NOBOX: variants seen among roughly 807,000 people sequenced by gnomAD.
The protein encoded by NOBOX is NOBOX oogenesis homeobox.
A neutral mutation model predicts 60.2 loss-of-function variants in NOBOX; 46 were observed. The ratio of observed to expected loss-of-function variants is 0.76; its 90% CI spans 0.60 to 0.98. NOBOX has a LOEUF of 0.98. NOBOX is among the 50% of genes least tolerant of loss of function. The pLI is 0.00. For synonymous variants in NOBOX, 360 were observed against 346.3 expected, an observed-to-expected ratio of 1.04 and a Z score of -0.44; for missense variants, 880 against 865.5, an observed-to-expected ratio of 1.02 and a Z score of -0.21.
At position 144,401,269 on chromosome 7, in the gene NOBOX, T is replaced by C. The variant is rs1248702415; in HGVS notation, c.621A>G (p.Lys207=). 6.2e-7 allele frequency: 1 copy of C among 1,613,556 alleles called. No homozygotes were observed. Among genetic ancestry groups the C allele is most frequent in the South Asian group, 1.1e-5 (1 of 90,982 alleles). ...GGGCCAGACCCATGGCATTAGGCTT[T>C]TTCTGCTTCCCGGGGGCTGGAGAAT... The change falls in exon 4 of 10, where the codon AAA becomes AAG. Residue 207 remains lysine, a synonymous_variant. Transcript: ENST00000467773. The surrounding 1 kb of genome is among the most constrained non-coding windows in gnomAD (Gnocchi z 4.2).
At position 144,399,381 on chromosome 7, in the gene NOBOX, G is replaced by T; in HGVS notation, c.1240+16C>A. On this transcript the variant is annotated intron_variant, in intron 7 of 9. Coordinates refer to ENST00000467773, the MANE Select transcript of NOBOX (RefSeq NM_001080413.3). ...TTAGTTGCCATTTTCCCCCAGCTCTGAAGGTGGGAACTCACCTGGAAAGGT... is the reference window on the plus strand; with the variant it reads ...TTAGTTGCCATTTTCCCCCAGCTCTTAAGGTGGGAACTCACCTGGAAAGGT... 6.5e-7 allele frequency: 1 copy of T among 1,544,330 alleles called. No individual in the cohort carries two copies. The highest frequency in any genetic ancestry group is 8.8e-7 in the Non-Finnish European group (1 of 1,133,764).
intron 1 of NOBOX, among the ~76,000 whole-genome samples, chr7:144,409,243 CAG>C (rs913097286): frequency 3.9e-5 from 6 of 152,144 alleles, no homozygotes; most frequent in African/African-American, 1.4e-4. Flanking sequence ...ACACCTTTAA[CAG>C]GGGTGTGGGT....
intron 4 of NOBOX, 108 bp downstream of exon 2, chr7:144,400,938 C>A: frequency 2.2e-6 from 2 of 925,210 alleles, no homozygotes; most frequent in African/African-American, 1.6e-5. Context: ...AAGTGACATA[C>A]AAACTAACCC....
chr7:144,404,452 T>C, intron 2 of NOBOX: 1 of 979,468 alleles, frequency 1.0e-6, no homozygotes, highest in Admixed American at 2.4e-5. Flanking sequence ...TTTCACCACG[T>C]TGGCTAGGCT....
intron 2 of NOBOX, 30 bp from the exon 1 acceptor site, chr7:144,403,723 C>G (rs887871235): frequency 8.4e-5 from 59 of 699,366 alleles, no homozygotes; most frequent in African/African-American, 8.4e-4. Flanking sequence ...GCGGCCGGCC[C>G]GTGATGCACA....
At position 144,401,314 on chromosome 7, in the gene NOBOX, C is replaced by T. The variant is rs1351612489; in HGVS notation, c.576G>A (p.Val192=). The T allele has an allele frequency of 1.9e-6, 3 of 1,613,482 alleles. No individual in the cohort carries two copies. The East Asian group carries it at 6.7e-5, about 36-fold the overall frequency. ...GAGAATAGGACCTCTTTCCTATCTT[C>T]ACCTCTCCCACTGGGAGGGAACAAT... Residue 192 remains valine (V), a synonymous_variant, in exon 4 of 10, where the codon GTG becomes GTA. Coordinates refer to ENST00000467773, the MANE Select transcript of NOBOX (RefSeq NM_001080413.3). The surrounding 1 kb of genome is among the most constrained non-coding windows in gnomAD (Gnocchi z 4.2).
intron 4 of NOBOX, 130 bp downstream of exon 2, chr7:144,400,916 G>T: frequency 1.4e-6 from 1 of 701,586 alleles, no homozygotes; most frequent in Non-Finnish European, 2.1e-6. Flanking sequence ...GCCCAAGAGA[G>T]AATCCGGGAC....
intron 5 of NOBOX, 33 bp from the exon 4 acceptor site, chr7:144,399,896 A>C: frequency 6.4e-7 from 1 of 1,554,040 alleles, no homozygotes; most frequent in Non-Finnish European, 8.8e-7. Context: ...AGAACTGGAG[A>C]AGAGGGGCAG....
chr7:144,405,486 G>GTC (rs771978196), intron 1 of NOBOX, among the ~76,000 whole-genome samples: 8 of 152,170 alleles, frequency 5.3e-5, no homozygotes, highest in Non-Finnish European at 1.0e-4. Flanking sequence ...GTACGGAGGA[G>GTC]CAGGAACCCC....
At chr7:144,397,214 C>T, downstream of NOBOX, 1 of 1,508,466 alleles carries the variant, frequency 6.6e-7, no homozygotes, top group Non-Finnish European at 8.9e-7. Flanking sequence ...ACCCAAGCAG[C>T]CTCTTTTCAC....
intron 2 of NOBOX, chr7:144,404,473 T>A: frequency 8.2e-7 from 1 of 1,214,094 alleles, no homozygotes; most frequent in African/African-American, 1.5e-5. Flanking sequence ...GGGCTAGAAC[T>A]CCTGACTTCA....
rs989399875 is a variant in NOBOX at position 144,401,193 on chromosome 7, C to T, written c.697G>A (p.Val233Met). Reference sequence around the variant, plus strand: ...GGCCCCCGGCCTGACCCACAGGGCACTGGGTTGTGTGTGGCACGGGCTGAG... The same window carrying T: ...GGCCCCCGGCCTGACCCACAGGGCATTGGGTTGTGTGTGGCACGGGCTGAG... The change falls in exon 4 of 10, where the codon GTG becomes ATG. Residue 233 changes from valine (V) to methionine (M), a missense_variant. Physicochemically the swap from Val to Met is conservative, Grantham distance 21 (BLOSUM62 1). Transcript: ENST00000467773. This position sits in a 1 kb window ranked among gnomAD's most constrained non-coding sequence, Gnocchi z 4.2. 3 of 1,613,684 alleles carry T rather than the reference C, an allele frequency of 1.9e-6. No homozygotes were observed. Among genetic ancestry groups the T allele is most frequent in the Non-Finnish European group, 2.5e-6 (3 of 1,179,764 alleles).
Position 144,398,513 on chromosome 7 carries a change from C to T in NOBOX, c.1543G>A (p.Gly515Arg). 6.5e-7 allele frequency: 1 copy of T among 1,536,716 alleles called. No homozygotes were observed. Among genetic ancestry groups the T allele is most frequent in the Non-Finnish European group, 8.7e-7 (1 of 1,146,794 alleles). ...GGAGCCTGGGAGAACTGGAAGGGTC[C>T]TGGCTGGTTGCTCTGTTGGTAATCC... Residue 515 changes from glycine (G) to arginine (R), a missense_variant, in exon 9 of 10, where the codon GGA becomes AGA. By Grantham distance (125) the Gly-to-Arg change is moderately radical (BLOSUM62 -2). Coordinates refer to ENST00000467773, the MANE Select transcript of NOBOX (RefSeq NM_001080413.3).
downstream of NOBOX, among the ~76,000 whole-genome samples, chr7:144,396,966 T>C (rs1459459456): frequency 6.6e-6 from 1 of 151,898 alleles, no homozygotes; most frequent in Non-Finnish European, 1.5e-5. Context: ...CAAGCAAGGA[T>C]AGGAAACAAA....
intron 7 of NOBOX, 38 bp from the exon 6 acceptor site, chr7:144,399,216 G>T: frequency 2.8e-6 from 3 of 1,085,178 alleles, no homozygotes; most frequent in South Asian, 1.4e-5. Context: ...TAACGGTAAG[G>T]AAATGGGAGG....
chr7:144,399,845 G>A lies in NOBOX; in HGVS notation c.1066C>T (p.Arg356Trp), dbSNP rs754804125. ...TTCTCCATTTTTCGCCACTTGGCCCGGCGATTCTGGAACCACACCTATGGG... is the reference window on the plus strand; with the variant it reads ...TTCTCCATTTTTCGCCACTTGGCCCAGCGATTCTGGAACCACACCTATGGG... The change falls in exon 6 of 10, where the codon CGG (arginine) becomes TGG (tryptophan). Residue 356 changes from arginine (R) to tryptophan (W), a missense_variant. Coordinates refer to ENST00000467773, the MANE Select transcript of NOBOX (RefSeq NM_001080413.3). The A allele has an allele frequency of 4.3e-6, 7 of 1,611,754 alleles. No homozygotes were observed. Among genetic ancestry groups the A allele is most frequent in the South Asian group, 3.3e-5 (3 of 90,796 alleles).
chr7:144,408,968 A>G (rs955284417), intron 1 of NOBOX, among the ~76,000 whole-genome samples: 5 of 152,180 alleles, frequency 3.3e-5, no homozygotes, highest in Non-Finnish European at 5.9e-5. Context: ...ATCAAAGTCA[A>G]TTTCCTGGTG....
chr7:144,408,364 C>A (rs2054000028), intron 1 of NOBOX, among the ~76,000 whole-genome samples: 1 of 152,090 alleles, frequency 6.6e-6, no homozygotes, highest in African/African-American at 2.4e-5. Context: ...TAGGTCCTCC[C>A]CTTGTACTGT....
Position 144,397,461 on chromosome 7 carries a change from G to C in NOBOX, c.1855C>G (p.Pro619Ala), listed in dbSNP as rs1233200005. 6.5e-6 allele frequency: 10 copies of C among 1,537,214 alleles called. No homozygotes were observed. In the East Asian group the frequency reaches 1.7e-4, roughly 26 times the overall value. The change falls in exon 10 of 10, where the codon CCA becomes GCA. Residue 619 changes from proline (P) to alanine (A), a missense_variant. By Grantham distance (27) the Pro-to-Ala change is conservative. Transcript: ENST00000467773. ...TCAGGAAAGTAGCCATCCCCTCCTG[G>C]GGGATGCCCCAGAGCTTGTGGGCAG... is the stretch of plus-strand genomic sequence containing the variant.
Sources: allele counts gnomAD v4.1 joint callset (sites outside exome capture counted in the v4.1 genomes callset), GRCh38; gene constraint gnomAD v4.1.1; non-coding constraint Gnocchi (gnomAD v3.1); transcripts MANE v1.5; gene names NCBI Gene and HGNC (gene_info 2026-07-23, HGNC 2026-07-21).